The following KCND3 variants were observed in gnomAD, a reference collection of about 807,000 sequenced individuals.
KCND3 encodes the protein potassium voltage-gated channel subfamily D member 3.
KCND3 carries 9 observed loss-of-function variants against 51.1 expected under a neutral mutation model. The ratio of observed to expected loss-of-function variants is 0.18; its 90% CI spans 0.11 to 0.31. The LOEUF (loss-of-function observed/expected upper bound fraction) is 0.31, where lower values mean the gene tolerates loss of function less well. Ranked by LOEUF, KCND3 falls within the 10% of genes least tolerant of loss-of-function variation. The pLI, the probability that KCND3 is intolerant of heterozygous loss-of-function variation, is 1.00. For missense variants in KCND3, 526 were observed against 903.8 expected (o/e 0.58, Z 5.36); for synonymous variants, 349 against 368.0 (o/e 0.95, Z 0.59).
chr1:111,777,665 C>T (rs573769862), intron 6 of KCND3, among the ~76,000 whole-genome samples: 1 of 152,302 alleles, frequency 6.6e-6, no homozygotes, highest in South Asian at 2.1e-4. Context: ...TAAGGAGTCA[C>T]TGACTGTGGG....
chr1:111,847,263 C>G (rs371711569), intron 2 of KCND3, among the ~76,000 whole-genome samples: 1 of 152,104 alleles, frequency 6.6e-6, no homozygotes, highest in African/African-American at 2.4e-5. Flanking sequence ...CAAAGAGACA[C>G]CTCTGTATCA....
At position 111,775,079 on chromosome 1, in the gene KCND3, T is replaced by A. The variant is rs757904937; in HGVS notation, c.*998A>T. The A allele has an allele frequency of 2.6e-5, 4 of 152,220 alleles. No individual in the cohort carries two copies. The highest frequency in any genetic ancestry group is 9.7e-5 in the African/African-American group (4 of 41,450). The allele number at this position is 152,220 out of a possible 1,614,324, so 9.4% of individuals were successfully genotyped here. On this transcript the variant is annotated 3_prime_UTR_variant, in exon 8 of 8. Transcript: ENST00000302127. The stretch of plus-strand genomic sequence containing the variant: ...CGAGTGGTTCCAACCCCAAGGGAAG[T>A]ACCTCTGTTCTGTGAGGTAGACTTC...
chr1:111,799,628 G>A (rs1665204192), intron 2 of KCND3, among the ~76,000 whole-genome samples: 1 of 152,184 alleles, frequency 6.6e-6, no homozygotes, highest in Non-Finnish European at 1.5e-5. Flanking sequence ...AAAGACCAGA[G>A]AGCTGCCTGC....
chr1:111,812,726 T>C (rs1016160514), intron 2 of KCND3, among the ~76,000 whole-genome samples: 8 of 152,174 alleles, frequency 5.3e-5, no homozygotes, highest in African/African-American at 1.9e-4. Context: ...TCAAACCCAG[T>C]CCTGCTTCAC....
intron 2 of KCND3, among the ~76,000 whole-genome samples, chr1:111,803,085 C>T (rs1037863352): frequency 2.6e-5 from 4 of 152,216 alleles, no homozygotes; most frequent in Non-Finnish European, 5.9e-5. Flanking sequence ...GGAGCCAGGG[C>T]CCCTTCGGCC....
chr1:111,826,635 T>G (rs1477906145), intron 2 of KCND3, among the ~76,000 whole-genome samples: 1 of 152,206 alleles, frequency 6.6e-6, no homozygotes, highest in Non-Finnish European at 1.5e-5. Flanking sequence ...TGGTTTACTA[T>G]GTCAACGAGT....
intron 2 of KCND3, among the ~76,000 whole-genome samples, chr1:111,904,919 G>A (rs1052711616): frequency 6.6e-5 from 10 of 152,150 alleles, no homozygotes; most frequent in Admixed American, 4.6e-4. Context: ...CAGGGATCAC[G>A]TCCCTCTGCC....
rs1333221105 is a variant in KCND3 at position 111,982,940 on chromosome 1, G to A, written c.-72-142C>T. On this transcript the variant is annotated intron_variant, in intron 1 of 7. Transcript: ENST00000302127. This position sits in a 1 kb window ranked among gnomAD's most constrained non-coding sequence, Gnocchi z 8.5. ...TAATAAAACTGAAATCCCCACCACA[G>A]AGAGGGGACTTGATTCTTTGCCATC... 4.5e-6 allele frequency: 3 copies of A among 659,554 alleles called. No homozygotes were observed. Among genetic ancestry groups the A allele is most frequent in the Non-Finnish European group, 7.8e-6 (3 of 384,932 alleles). The allele number at this position is 659,554 out of a possible 1,614,324, so 40.9% of individuals were successfully genotyped here.
chr1:111,932,941 C>T lies in KCND3; in HGVS notation c.1106+48680G>A, dbSNP rs559925407. 2.0e-5 allele frequency among the ~76,000 whole-genome samples: 3 copies of T among 152,276 alleles called. No homozygotes were observed. The South Asian group carries it at 6.2e-4, about 32-fold the overall frequency. On this transcript the variant is annotated intron_variant, in intron 2 of 7. Transcript: ENST00000302127. ...TGCTTGACTTTCATTCATCAGCAAA[C>T]ATTTATAGAGTACTGACATGGTTTG...
intron 2 of KCND3, among the ~76,000 whole-genome samples, chr1:111,896,702 G>A (rs1197125581): frequency 6.6e-6 from 1 of 152,236 alleles, no homozygotes; most frequent in African/African-American, 2.4e-5. Flanking sequence ...AAACTCTACA[G>A]TGTCAGGCCA....
chr1:111,819,390 AAAATTCCCC>A (rs1471941908), intron 2 of KCND3, among the ~76,000 whole-genome samples: 1 of 152,182 alleles, frequency 6.6e-6, no homozygotes, highest in Non-Finnish European at 1.5e-5. Context: ...AAAAAAAAAA[AAAATTCCCC>A]AAACCCAACC....
intron 2 of KCND3, among the ~76,000 whole-genome samples, chr1:111,806,302 G>A (rs574398440): frequency 5.3e-5 from 8 of 152,322 alleles, no homozygotes; most frequent in Non-Finnish European, 8.8e-5. Flanking sequence ...CCTGCTTATC[G>A]TGGACATGCT....
At chr1:111,849,025 C>T (rs966204116) in intron 2 of KCND3, among the ~76,000 whole-genome samples, 3 of 152,172 alleles carry the variant, frequency 2.0e-5, no homozygotes, top group Non-Finnish European at 4.4e-5. Flanking sequence ...CTCCTTCTCC[C>T]CCGCCGCTCC....
intron 2 of KCND3, among the ~76,000 whole-genome samples, chr1:111,866,579 A>AACACACAC (rs771342858): frequency 0.061 from 7,761 of 126,696 alleles, 347 homozygotes; most frequent in East Asian, 0.082. Context: ...TGTTTCTTTA[A>AACACACAC]ACACACACAC....
At chr1:111,822,662 ATGAG>A (rs1666403147) in intron 2 of KCND3, among the ~76,000 whole-genome samples, 1 of 152,194 alleles carries the variant, frequency 6.6e-6, no homozygotes, top group African/African-American at 2.4e-5. Context: ...TAATGCTGCT[ATGAG>A]TATGGGCATA....
chr1:111,947,427 C>G (rs1672831061), intron 2 of KCND3, among the ~76,000 whole-genome samples: 2 of 152,214 alleles, frequency 1.3e-5, no homozygotes, highest in African/African-American at 4.8e-5. Flanking sequence ...GTATAATGTA[C>G]TTTCTCAAAC....
chr1:111,846,287 A>G (rs1289124778), intron 2 of KCND3, among the ~76,000 whole-genome samples: 3 of 152,056 alleles, frequency 2.0e-5, no homozygotes, highest in African/African-American at 4.8e-5. Context: ...GTGTTCTTTC[A>G]CTTCTGGGCC....
intron 2 of KCND3, among the ~76,000 whole-genome samples, chr1:111,948,298 A>C (rs942131831): frequency 3.9e-5 from 6 of 152,278 alleles, no homozygotes; most frequent in African/African-American, 1.4e-4. Context: ...AAATGACTCC[A>C]GCTCCTGGAA....
At chr1:111,967,739 G>A (rs1018378633) in intron 2 of KCND3, among the ~76,000 whole-genome samples, 6 of 152,188 alleles carry the variant, frequency 3.9e-5, no homozygotes, top group Non-Finnish European at 5.9e-5. Context: ...AGTTTACTTT[G>A]GAAAAGTGAG....
Sources: allele counts gnomAD v4.1 joint callset (sites outside exome capture counted in the v4.1 genomes callset), GRCh38; gene constraint gnomAD v4.1.1; non-coding constraint Gnocchi (gnomAD v3.1); transcripts MANE v1.5; gene names NCBI Gene and HGNC (gene_info 2026-07-23, HGNC 2026-07-21).